Variants in PLLP observed in about 807,000 individuals in gnomAD.
The protein encoded by PLLP is plasmolipin.
PLLP carries 15 observed loss-of-function variants against 19.7 expected under a neutral mutation model. The observed-to-expected ratio is 0.76, with a 90% CI of 0.51 to 1.17. The LOEUF (loss-of-function observed/expected upper bound fraction) is 1.17. Among genes scored for constraint, PLLP ranks in the 50% most tolerant of loss-of-function variants. The probability of loss-of-function intolerance (pLI) is 0.00; values close to 1 mark genes in which losing one functional copy is unlikely to be tolerated. For synonymous variants in PLLP, 111 were observed against 116.3 expected, an observed-to-expected ratio of 0.95 and a Z score of 0.29; for missense variants, 255 against 258.3, an observed-to-expected ratio of 0.99 and a Z score of 0.09.
At chr16:57,261,829 C>T in intron 2 of PLLP, 68 bp downstream of exon 2, 1 of 1,440,038 alleles carries the variant, frequency 6.9e-7, no homozygotes, top group Non-Finnish European at 9.8e-7. Flanking sequence ...CCACACCCTG[C>T]CACTTCTTCT....
In PLLP at chr16:57,256,213, C is replaced by T. The variant is rs2075425008; in HGVS notation, c.*700G>A. On this transcript the variant is annotated 3_prime_UTR_variant, in exon 4 of 4. Coordinates refer to ENST00000219207, the MANE Select transcript of PLLP (RefSeq NM_015993.3). The stretch of plus-strand genomic sequence containing the variant: ...CTCCTTTGCGTCCCATGTGCCTAGT[C>T]AGCAAGGTCGGGGAGGCACCGATGT... 2 of 395,108 alleles carry T rather than the reference C, an allele frequency of 5.1e-6. No individual in the cohort carries two copies. The highest frequency in any genetic ancestry group is 2.1e-5 in the African/African-American group (1 of 48,578). 24.5% of individuals were successfully genotyped at this position (395,108 alleles called of 1,614,324 possible). A position where few individuals can be genotyped will look rare whatever the true frequency, so the allele number is the denominator to read the frequency against.
chr16:57,257,096 T>C, intron 3 of PLLP, 67 bp from the exon 4 acceptor site: 1 of 1,150,094 alleles, frequency 8.7e-7, no homozygotes, highest in Non-Finnish European at 1.3e-6. Context: ...CAACCAGATC[T>C]CAGGCCAGGC....
At chr16:57,264,571 G>A (rs750801568) in intron 1 of PLLP, among the ~76,000 whole-genome samples, 3 of 152,252 alleles carry the variant, frequency 2.0e-5, no homozygotes, top group Non-Finnish European at 4.4e-5. Context: ...GGGGCTGGGC[G>A]TGGTGGCTTA....
chr16:57,284,505 G>A lies in PLLP; in HGVS notation c.36C>T (p.Thr12=), dbSNP rs753155758. ...CTTCGGCGCCCTGCGCAGGACTGCT[G>A]GTCCGCGTGCTAACTTTCGACGGGA... ...AEFPSKVSTR[T]SSPAQGAEAS... The change falls in exon 1 of 4, where the codon ACC becomes ACT. Residue 12 remains threonine, a synonymous_variant. Coordinates refer to ENST00000219207, the MANE Select transcript of PLLP (RefSeq NM_015993.3). 2.1e-6 allele frequency: 3 copies of A among 1,408,826 alleles called. No homozygotes were observed. The highest frequency in any genetic ancestry group is 1.6e-5 in the South Asian group (1 of 64,462). The allele number at this position is 1,408,826 out of a possible 1,614,324, so 87.3% of individuals were successfully genotyped here.
At chr16:57,276,183 T>C (rs1439054930) in intron 1 of PLLP, among the ~76,000 whole-genome samples, 1 of 152,144 alleles carries the variant, frequency 6.6e-6, no homozygotes, top group African/African-American at 2.4e-5. Flanking sequence ...TAGGCTAGGT[T>C]TGGTGGCTCA....
At chr16:57,268,626 G>A (rs2075465051) in intron 1 of PLLP, among the ~76,000 whole-genome samples, 1 of 152,140 alleles carries the variant, frequency 6.6e-6, no homozygotes, top group Non-Finnish European at 1.5e-5. Context: ...AAGTAGCTGG[G>A]ACTACAGACA....
chr16:57,280,506 A>G (rs1325947079), intron 1 of PLLP, among the ~76,000 whole-genome samples: 6 of 152,132 alleles, frequency 3.9e-5, no homozygotes, highest in African/African-American at 1.2e-4. Flanking sequence ...TTTTAAAACC[A>G]AAAGAGTTAT....
intron 1 of PLLP, among the ~76,000 whole-genome samples, chr16:57,266,613 G>A (rs970726282): frequency 6.6e-6 from 1 of 152,176 alleles, no homozygotes; most frequent in Non-Finnish European, 1.5e-5. Flanking sequence ...AGGGTGCCAC[G>A]TGGGTATCTG....
chr16:57,269,387 C>T (rs1275479887), intron 1 of PLLP, among the ~76,000 whole-genome samples: 1 of 152,222 alleles, frequency 6.6e-6, no homozygotes, highest in Admixed American at 6.5e-5. Flanking sequence ...TGGTCTGTTT[C>T]CTCATCTGGC....
chr16:57,259,447 G>T (rs1597958183), intron 2 of PLLP, among the ~76,000 whole-genome samples: 1 of 152,206 alleles, frequency 6.6e-6, no homozygotes, highest in South Asian at 2.1e-4. Flanking sequence ...AGGACCAAGA[G>T]GACCAGATAT....
At chr16:57,257,123 GCCGCA>G in intron 3 of PLLP, 94 bp from the exon 4 acceptor site, 1 of 849,492 alleles carries the variant, frequency 1.2e-6, no homozygotes, top group Non-Finnish European at 2.0e-6. Flanking sequence ...GGTTGTGGCA[GCCGCA>G]CCATCTCACA....
chr16:57,262,016 G>C lies in PLLP; in HGVS notation c.190C>G (p.Pro64Ala). ...LIADTPYHLY[P>A]AYGWVMFVAV... Reference sequence around the variant, plus strand: ...ACGAACATCACCCAGCCATAGGCCGGATACAGGTGGTACGGGGTGTCCGCA... The same window carrying C: ...ACGAACATCACCCAGCCATAGGCCGCATACAGGTGGTACGGGGTGTCCGCA... The change falls in exon 2 of 4, where the codon CCG becomes GCG. Residue 64 changes from proline to alanine, a missense_variant. Transcript: ENST00000219207. 6.2e-7 allele frequency: 1 copy of C among 1,614,202 alleles called. No homozygotes were observed. The highest frequency in any genetic ancestry group is 8.5e-7 in the Non-Finnish European group (1 of 1,180,034).
At chr16:57,269,221 C>G (rs2075466881) in intron 1 of PLLP, among the ~76,000 whole-genome samples, 2 of 152,218 alleles carry the variant, frequency 1.3e-5, no homozygotes. Context: ...GGGCCTCCTC[C>G]AGGGGCCCCA....
chr16:57,256,844 TTG>T lies in PLLP; in HGVS notation c.*67_*68del. ...CACGCAGGGCTCCCCAGCTTCAGGC[TTG>T]CAGGGTGACCCTGCTCTGTGACCCA... On this transcript the variant is annotated 3_prime_UTR_variant, in exon 4 of 4. Coordinates refer to ENST00000219207, the MANE Select transcript of PLLP (RefSeq NM_015993.3). The T allele has an allele frequency of 1.9e-6, 2 of 1,059,614 alleles. No individual in the cohort carries two copies. The highest frequency in any genetic ancestry group is 2.9e-6 in the Non-Finnish European group (2 of 688,876). The allele number at this position is 1,059,614 out of a possible 1,614,324, so 65.6% of individuals were successfully genotyped here.
Position 57,256,747 on chromosome 16 carries a change from C to G in PLLP, c.*166G>C, listed in dbSNP as rs1359437282. ...CGAGATGCCTGCCAGCCTGGGCCTG[C>G]TTCCTTAGCGCTGTGAGAGCTTATG... On this transcript the variant is annotated 3_prime_UTR_variant, in exon 4 of 4. Transcript: ENST00000219207. 1 of 575,388 alleles carries G rather than the reference C, an allele frequency of 1.7e-6. No individual in the cohort carries two copies. The highest frequency in any genetic ancestry group is 1.9e-5 in the African/African-American group (1 of 53,366). 35.6% of individuals were successfully genotyped at this position (575,388 alleles called of 1,614,324 possible). A position where few individuals can be genotyped will look rare whatever the true frequency, so the allele number is the denominator to read the frequency against.
At chr16:57,264,069 G>C (rs974465198) in intron 1 of PLLP, among the ~76,000 whole-genome samples, 1 of 152,142 alleles carries the variant, frequency 6.6e-6, no homozygotes, top group African/African-American at 2.4e-5. Flanking sequence ...AGCACCTGAG[G>C]GCCTGGGCCT....
At chr16:57,275,690 AAAAC>A (rs1308245252) in intron 1 of PLLP, among the ~76,000 whole-genome samples, 2 of 150,934 alleles carry the variant, frequency 1.3e-5, no homozygotes, top group Non-Finnish European at 3.0e-5. Flanking sequence ...AAAACCCAGC[AAAAC>A]AAACAAATTA....
At chr16:57,261,863 C>T in intron 2 of PLLP, 34 bp downstream of exon 2, 1 of 1,602,344 alleles carries the variant, frequency 6.2e-7, no homozygotes, top group Non-Finnish European at 8.6e-7. Flanking sequence ...GTGGTCCTGT[C>T]ATAGCCACTT....
intron 1 of PLLP, among the ~76,000 whole-genome samples, chr16:57,267,121 C>T (rs1161109889): frequency 6.6e-6 from 1 of 152,184 alleles, no homozygotes; most frequent in Non-Finnish European, 1.5e-5. Context: ...AAGCTGCCAA[C>T]ACTGACAGCC....
Sources: gnomAD v4.1 joint callset for allele counts (sites outside exome capture counted in the v4.1 genomes callset) on GRCh38, gnomAD v4.1.1 for gene constraint, MANE v1.5 for transcripts, NCBI Gene and HGNC (gene_info 2026-07-23, HGNC 2026-07-21) for gene names.